Variants in ADAMTS16 observed in about 807,000 individuals in gnomAD.
ADAMTS16 encodes the protein A disintegrin and metalloproteinase with thrombospondin motifs 16.
ADAMTS16 carries 94 observed loss-of-function variants against 145.8 expected under a neutral mutation model. The ratio of observed to expected loss-of-function variants is 0.64; its 90% CI spans 0.55 to 0.77. The LOEUF (loss-of-function observed/expected upper bound fraction) is 0.77. Among genes scored for constraint, ADAMTS16 ranks in the 30% least tolerant of loss-of-function variants. The pLI is 0.00. For missense variants in ADAMTS16, 1,585 were observed against 1,591.5 expected (o/e 1.00, Z 0.07); for synonymous variants, 659 against 604.3 (o/e 1.09, Z -1.33).
At chr5:5,214,511 C>T (rs989049853) in intron 10 of ADAMTS16, among the ~76,000 whole-genome samples, 4 of 152,184 alleles carry the variant, frequency 2.6e-5, no homozygotes, top group African/African-American at 9.6e-5. Context: ...CTCCCAGGCT[C>T]AAGCAATTCT....
At chr5:5,226,988 G>A (rs1032733826) in intron 11 of ADAMTS16, among the ~76,000 whole-genome samples, 9 of 100,088 alleles carry the variant, frequency 9.0e-5, no homozygotes, top group Non-Finnish European at 1.4e-4. Context: ...GACCTCTCTT[G>A]TGAAATCAAA....
At chr5:5,240,060 TGA>T in intron 16 of ADAMTS16, 135 bp downstream of exon 16, 1 of 1,389,112 alleles carries the variant, frequency 7.2e-7, no homozygotes. Flanking sequence ...ATAGCCGGAA[TGA>T]GGCAGCAGGC....
At chr5:5,222,451 G>A (rs62338164) in intron 10 of ADAMTS16, among the ~76,000 whole-genome samples, 22,591 of 152,068 alleles carry the variant, frequency 0.15, 1,730 homozygotes, top group African/African-American at 0.18. Flanking sequence ...GATACATTAT[G>A]AAATATTAAG....
Position 5,251,865 on chromosome 5 carries a change from T to A in ADAMTS16, c.2662+9674T>A, listed in dbSNP as rs183984958. On this transcript the variant is annotated intron_variant, in intron 17 of 22. Transcript: ENST00000274181. ...GGCCAAGTACTCGGTGCTTTTTTTTTCTTTTTTTTGAGACAGAGTCTCACT... is the reference window on the plus strand; with the variant it reads ...GGCCAAGTACTCGGTGCTTTTTTTTACTTTTTTTTGAGACAGAGTCTCACT... Among the ~76,000 whole-genome samples, 464 of 152,220 alleles carry A rather than the reference T, an allele frequency of 3.0e-3. 4 individuals are homozygous for A. Among genetic ancestry groups the A allele is most frequent in the African/African-American group, 0.011 (440 of 41,548 alleles).
chr5:5,304,592 C>T (rs1739949771), intron 20 of ADAMTS16, among the ~76,000 whole-genome samples: 1 of 152,096 alleles, frequency 6.6e-6, no homozygotes, highest in South Asian at 2.1e-4. Context: ...ACCCGGATCT[C>T]ATCAGGCACT....
chr5:5,215,870 G>GTGTGTGTATATATA (rs1260354840), intron 10 of ADAMTS16, among the ~76,000 whole-genome samples: 2 of 101,622 alleles, frequency 2.0e-5, no homozygotes, highest in East Asian at 2.6e-4. Flanking sequence ...GTGTGTATGT[G>GTGTGTGTATATATA]TATATATATA....
chr5:5,161,063 C>A (rs1734733459), intron 3 of ADAMTS16, among the ~76,000 whole-genome samples: 1 of 152,184 alleles, frequency 6.6e-6, no homozygotes, highest in Non-Finnish European at 1.5e-5. Flanking sequence ...TACATATACA[C>A]TAGTTTATTA....
chr5:5,140,601 CCCCGCGGCTCCTCT>C, intron 1 of ADAMTS16, 49 bp from the exon 2 acceptor site: 1 of 1,517,460 alleles, frequency 6.6e-7, no homozygotes, highest in African/African-American at 1.4e-5. Flanking sequence ...GAGGCGAGTC[CCCCGCGGCTCCTCT>C]CCCGCGGACC....
chr5:5,256,065 T>C (rs1165904753), intron 17 of ADAMTS16, among the ~76,000 whole-genome samples: 6 of 152,240 alleles, frequency 3.9e-5, no homozygotes, highest in Non-Finnish European at 4.4e-5. Flanking sequence ...CTATTTCTGT[T>C]AATTGCTAAA....
chr5:5,209,363 T>C, intron 10 of ADAMTS16, 117 bp downstream of exon 10: 3 of 1,264,930 alleles, frequency 2.4e-6, no homozygotes, highest in South Asian at 3.0e-5. Flanking sequence ...TCAAATCCTG[T>C]ATGTTAAGGC....
At chr5:5,176,717 G>A (rs1035337698) in intron 3 of ADAMTS16, among the ~76,000 whole-genome samples, 13 of 152,238 alleles carry the variant, frequency 8.5e-5, no homozygotes, top group African/African-American at 2.2e-4. Context: ...TAATCATAGC[G>A]CATTCTTAAA....
At chr5:5,303,134 G>A in intron 18 of ADAMTS16, 134 bp from the exon 19 acceptor site, 2 of 943,056 alleles carry the variant, frequency 2.1e-6, no homozygotes, top group Non-Finnish European at 3.1e-6. Context: ...ACCCAGGAAA[G>A]GTGGAACTGA....
At chr5:5,311,954 T>C (rs964447853) in intron 21 of ADAMTS16, among the ~76,000 whole-genome samples, 3 of 152,044 alleles carry the variant, frequency 2.0e-5, no homozygotes, top group African/African-American at 7.2e-5. Context: ...CCTGACCTTG[T>C]AATCCACTCG....
At chr5:5,213,803 T>C (rs1020238146) in intron 10 of ADAMTS16, among the ~76,000 whole-genome samples, 1 of 152,214 alleles carries the variant, frequency 6.6e-6, no homozygotes, top group Non-Finnish European at 1.5e-5. Flanking sequence ...CTTGAAGCCC[T>C]CATCAGCTTT....
In ADAMTS16 at chr5:5,200,193, T is replaced by C. The variant is rs200423146; in HGVS notation, c.1375T>C (p.Ser459Pro). Residue 459 changes from serine (S) to proline (P), a missense_variant, in exon 9 of 23, where the codon TCC becomes CCC. Ser to Pro is a moderately conservative substitution (Grantham distance 74). Coordinates refer to ENST00000274181, the MANE Select transcript of ADAMTS16 (RefSeq NM_139056.4). ...CAAAAAGTCCGAGGGCAACATCATGTCCCCTACATTGGCAGGACGCAATGG... is the reference window on the plus strand; with the variant it reads ...CAAAAAGTCCGAGGGCAACATCATGCCCCCTACATTGGCAGGACGCAATGG... Reference protein sequence around the residue: ...MCKKSEGNIMSPTLAGRNGVF... With the variant: ...MCKKSEGNIMPPTLAGRNGVF... The C allele has an allele frequency of 6.2e-7, 1 of 1,614,038 alleles. No individual in the cohort carries two copies. The highest frequency in any genetic ancestry group is 8.5e-7 in the Non-Finnish European group (1 of 1,179,970).
intron 18 of ADAMTS16, among the ~76,000 whole-genome samples, chr5:5,302,932 T>G (rs1005499226): frequency 6.6e-6 from 1 of 150,830 alleles, no homozygotes; most frequent in African/African-American, 2.4e-5. Flanking sequence ...AACCCAGAGG[T>G]GTTTTATTTT....
intron 3 of ADAMTS16, among the ~76,000 whole-genome samples, chr5:5,158,506 C>A (rs1425575423): frequency 6.6e-6 from 1 of 152,162 alleles, no homozygotes; most frequent in Non-Finnish European, 1.5e-5. Context: ...ACTCCCCAAT[C>A]AGCCATCATG....
chr5:5,143,638 C>T (rs1734222361), intron 2 of ADAMTS16, among the ~76,000 whole-genome samples: 1 of 152,164 alleles, frequency 6.6e-6, no homozygotes, highest in African/African-American at 2.4e-5. Flanking sequence ...GGTATATACC[C>T]AGAGAATTAT....
intron 9 of ADAMTS16, among the ~76,000 whole-genome samples, chr5:5,201,778 A>G (rs1735964705): frequency 1.3e-5 from 2 of 152,268 alleles, no homozygotes; most frequent in South Asian, 4.2e-4. Context: ...TTTGCAGTCA[A>G]AACTAGGAAC....
Sources: gnomAD v4.1 joint callset for allele counts (sites outside exome capture counted in the v4.1 genomes callset) on GRCh38, gnomAD v4.1.1 for gene constraint, MANE v1.5 for transcripts, NCBI Gene and HGNC (gene_info 2026-07-23, HGNC 2026-07-21) for gene names.